NELL2: variants seen among roughly 807,000 people sequenced by gnomAD.
NELL2 encodes neural EGFL like 2, also known as protein kinase C-binding protein NELL2.
Under a neutral mutation model 109.6 loss-of-function variants are expected in NELL2, and 41 were observed. That is an observed-to-expected ratio of 0.37 (90% CI 0.29 to 0.49). The LOEUF is 0.49. Among genes scored for constraint, NELL2 ranks in the 20% least tolerant of loss-of-function variants. The pLI, the probability that NELL2 is intolerant of heterozygous loss-of-function variation, is 0.98. For missense variants in NELL2, 900 were observed against 1,008.3 expected (o/e 0.89, Z 1.45); for synonymous variants, 355 against 344.7 (o/e 1.03, Z -0.33).
intron 12 of NELL2, among the ~76,000 whole-genome samples, chr12:44,692,823 C>T (rs1678827196): frequency 6.6e-6 from 1 of 152,090 alleles, no homozygotes; most frequent in Non-Finnish European, 1.5e-5. Context: ...TTGCTGCAAT[C>T]TCATGTTAAA....
rs565566672 is a variant in NELL2, at chr12:44,802,595, A to G, written c.335+13391T>C. 1.5e-3 allele frequency among the ~76,000 whole-genome samples: 225 copies of G among 152,228 alleles called. 1 individual carries two copies. Among genetic ancestry groups the G allele is most frequent in the African/African-American group, 4.9e-3 (205 of 41,566 alleles). ...ATGTTATTTTCCCTGAATTTCATTC[A>G]GTATACCTAATTACATTTCAGTAAG... On this transcript the variant is annotated intron_variant, in intron 3 of 19. Coordinates refer to ENST00000429094, the MANE Select transcript of NELL2 (RefSeq NM_001145108.2).
chr12:44,920,792 C>T (rs1566623166), intron 1 of NELL2, among the ~76,000 whole-genome samples: 1 of 152,144 alleles, frequency 6.6e-6, no homozygotes, highest in Non-Finnish European at 1.5e-5. Context: ...TATATTTACA[C>T]AGCAAGAGAG....
At chr12:44,791,100 T>TATATATATATACAC in intron 3 of NELL2, among the ~76,000 whole-genome samples, 1 of 24,842 alleles carries the variant, frequency 4.0e-5, no homozygotes, top group East Asian at 5.6e-4. Context: ...TATATATGTA[T>TATATATATATACAC]ATATATATGT....
intron 15 of NELL2, among the ~76,000 whole-genome samples, chr12:44,590,389 A>T (rs947331144): frequency 2.6e-5 from 4 of 152,170 alleles, no homozygotes; most frequent in Non-Finnish European, 1.5e-5. Context: ...TCACAGGTAT[A>T]TAGTTTTCAA....
At chr12:44,827,574 A>C (rs1943755572) in intron 2 of NELL2, among the ~76,000 whole-genome samples, 2 of 152,108 alleles carry the variant, frequency 1.3e-5, no homozygotes, top group African/African-American at 2.4e-5. Context: ...GAAGATGCAA[A>C]GTTTGTCTTT....
intron 9 of NELL2, among the ~76,000 whole-genome samples, chr12:44,753,549 G>A (rs1317733195): frequency 1.3e-5 from 2 of 152,168 alleles, no homozygotes; most frequent in African/African-American, 4.8e-5. Context: ...CAGTGAGTAG[G>A]TCAGTGAAAT....
At chr12:44,783,892 T>C (rs1428832718) in intron 3 of NELL2, among the ~76,000 whole-genome samples, 1 of 151,958 alleles carries the variant, frequency 6.6e-6, no homozygotes, top group Non-Finnish European at 1.5e-5. Flanking sequence ...AAAGACAATA[T>C]GCTCCCTGAG....
chr12:44,513,321 G>T lies in NELL2; in HGVS notation c.2401-4337C>A, dbSNP rs1389469. On this transcript the variant is annotated intron_variant, in intron 19 of 19. Coordinates refer to ENST00000429094, the MANE Select transcript of NELL2 (RefSeq NM_001145108.2). ...AGAACAAAAACAGTCTTCACAAGAA[G>T]CCAATGGAACCTATGATCTATAAAA... Among the ~76,000 whole-genome samples the T allele has an allele frequency of 8.8e-3, 1,343 of 152,012 alleles. 10 individuals are homozygous for T. The highest frequency in any genetic ancestry group is 0.014 in the Non-Finnish European group (958 of 67,860).
chr12:44,616,904 T>A (rs1945841618), intron 13 of NELL2, among the ~76,000 whole-genome samples: 1 of 152,184 alleles, frequency 6.6e-6, no homozygotes, highest in Admixed American at 6.6e-5. Flanking sequence ...CTCTCTGTCC[T>A]AGTGTACTGA....
chr12:44,714,357 T>C lies in NELL2; in HGVS notation c.1086+293A>G, dbSNP rs572901219. Among the ~76,000 whole-genome samples, 19 of 152,072 alleles carry C rather than the reference T, an allele frequency of 1.2e-4. No individual in the cohort carries two copies. In the East Asian group the frequency reaches 3.7e-3, roughly 29 times the overall value. On this transcript the variant is annotated intron_variant, in intron 10 of 19. Coordinates refer to ENST00000429094, the MANE Select transcript of NELL2 (RefSeq NM_001145108.2). ...AGCTAAGTCTAACTTCACCTACATT[T>C]TCCTCCCAAGAGCAAATAAGGAGCT...
intron 9 of NELL2, among the ~76,000 whole-genome samples, chr12:44,743,154 C>A (rs1445390302): frequency 6.6e-6 from 1 of 152,134 alleles, no homozygotes; most frequent in African/African-American, 2.4e-5. Context: ...ATTCAACATT[C>A]TTAAAGAAAA....
chr12:44,516,234 A>G (rs1183229638), intron 19 of NELL2, among the ~76,000 whole-genome samples: 1 of 151,980 alleles, frequency 6.6e-6, no homozygotes, highest in Non-Finnish European at 1.5e-5. Context: ...TAACTGTTCT[A>G]TTGTTGGATA....
chr12:44,613,335 TG>T (rs1460808007), intron 13 of NELL2, among the ~76,000 whole-genome samples: 2 of 152,142 alleles, frequency 1.3e-5, no homozygotes, highest in African/African-American at 4.8e-5. Flanking sequence ...TATTTTTCTT[TG>T]TATCTCATTT....
intron 1 of NELL2, among the ~76,000 whole-genome samples, chr12:44,913,206 C>T (rs1224633560): frequency 6.6e-6 from 1 of 151,972 alleles, no homozygotes. Context: ...AATGAGATAA[C>T]ACAAGGCCAT....
chr12:44,821,855 C>G (rs1341709974), intron 2 of NELL2, among the ~76,000 whole-genome samples: 1 of 151,916 alleles, frequency 6.6e-6, no homozygotes, highest in Non-Finnish European at 1.5e-5. Flanking sequence ...GTAGCTGGAA[C>G]TACAAGTGTG....
At chr12:44,819,143 T>C (rs545066881) in intron 2 of NELL2, among the ~76,000 whole-genome samples, 8 of 152,278 alleles carry the variant, frequency 5.3e-5, no homozygotes, top group East Asian at 1.9e-4. Context: ...CAGATCAGAT[T>C]TGAATATTAG....
At chr12:44,879,875 C>T (rs1945391311), upstream of NELL2, among the ~76,000 whole-genome samples, 1 of 150,710 alleles carries the variant, frequency 6.6e-6, no homozygotes, top group Admixed American at 6.6e-5. Context: ...AGCTTTGCCA[C>T]TTGCAGGTAC....
intron 15 of NELL2, among the ~76,000 whole-genome samples, chr12:44,581,403 A>G (rs1237760899): frequency 3.3e-5 from 5 of 152,216 alleles, no homozygotes; most frequent in Admixed American, 3.3e-4. Context: ...CTGAGAAGTT[A>G]TCTGTTAAAG....
chr12:44,595,633 A>G lies in NELL2; in HGVS notation c.1663+11536T>C, dbSNP rs374417322. On this transcript the variant is annotated intron_variant, in intron 15 of 19. Transcript: ENST00000429094. ...TTTTTTTGTATTTTTAGTAGAGATG[A>G]GGTTTCACCATGTTAGCCAGGATGG... 7.4e-3 allele frequency among the ~76,000 whole-genome samples: 1,036 copies of G among 140,466 alleles called. 10 individuals are homozygous for G. Among genetic ancestry groups the G allele is most frequent in the African/African-American group, 0.026 (964 of 37,526 alleles). 92.2% of individuals were successfully genotyped at this position (140,466 alleles called of 152,430 possible). A position where few individuals can be genotyped will look rare whatever the true frequency, so the allele number is the denominator to read the frequency against.
Sources: allele counts gnomAD v4.1 joint callset (sites outside exome capture counted in the v4.1 genomes callset), GRCh38; gene constraint gnomAD v4.1.1; transcripts MANE v1.5; gene names NCBI Gene and HGNC (gene_info 2026-07-23, HGNC 2026-07-21).